The following MTNAP1 variants were observed in gnomAD, a reference collection of about 807,000 sequenced individuals.
MTNAP1 encodes the protein mitochondrial nucleoid associated protein 1.
At chr17:73,240,835 CTT>C in the MTNAP1 span, among the ~76,000 whole-genome samples, 1 of 151,188 alleles carries the variant, frequency 6.6e-6, no homozygotes, top group Admixed American at 6.6e-5. Context: ...GAAGTTGTCT[CTT>C]TACACCGTTT....
the MTNAP1 span, chr17:73,242,142 A>G: frequency 3.0e-6 from 2 of 670,320 alleles, no homozygotes; most frequent in South Asian, 2.2e-5. Flanking sequence ...TGTTTAGAAT[A>G]TGCTCTTCCT....
At chr17:73,244,937 T>C in the MTNAP1 span, among the ~76,000 whole-genome samples, 3 of 152,202 alleles carry the variant, frequency 2.0e-5, no homozygotes, top group African/African-American at 7.2e-5. Context: ...GAGTCATTTC[T>C]CCCACAGAGA....
the MTNAP1 span, chr17:73,248,503 G>C: frequency 6.4e-7 from 1 of 1,551,688 alleles, no homozygotes; most frequent in African/African-American, 1.4e-5. Context: ...CTTAGATCTT[G>C]CTTCCAGGCA....
At chr17:73,245,247 G>T in the MTNAP1 span, 2 of 1,607,142 alleles carry the variant, frequency 1.2e-6, no homozygotes, top group South Asian at 2.2e-5. Context: ...CAGTGGAGAC[G>T]ACTGCAATAC....
At chr17:73,248,446 C>G in the MTNAP1 span, 1 of 1,519,472 alleles carries the variant, frequency 6.6e-7, no homozygotes, top group Non-Finnish European at 8.9e-7. Context: ...AAGTCGTGTT[C>G]TGCCCTGTCT....
At chr17:73,235,426 G>C in the MTNAP1 span, 1 of 1,405,992 alleles carries the variant, frequency 7.1e-7, no homozygotes, top group Non-Finnish European at 9.7e-7. Flanking sequence ...GTAAAATATT[G>C]GTATGTACAA....
At chr17:73,240,272 G>T in the MTNAP1 span, among the ~76,000 whole-genome samples, 1 of 152,086 alleles carries the variant, frequency 6.6e-6, no homozygotes. Context: ...ACTTAGTTTG[G>T]GACTTCTACA....
the MTNAP1 span, among the ~76,000 whole-genome samples, chr17:73,241,583 A>G: frequency 6.6e-6 from 1 of 152,256 alleles, no homozygotes; most frequent in African/African-American, 2.4e-5. Flanking sequence ...GCAAGTCACA[A>G]TCATAAAAGG....
the MTNAP1 span, among the ~76,000 whole-genome samples, chr17:73,239,849 A>ATGTT: frequency 1.3e-5 from 2 of 152,122 alleles, no homozygotes; most frequent in African/African-American, 4.8e-5. Context: ...TGACTTCCCT[A>ATGTT]TGTTCATGCA....
chr17:73,242,355 A>C, the MTNAP1 span: 1 of 1,550,386 alleles, frequency 6.5e-7, no homozygotes, highest in Non-Finnish European at 8.7e-7. Context: ...CAAAAAGGTG[A>C]GGCTGGAGTT....
At chr17:73,235,597 CAA>C in the MTNAP1 span, 2 of 1,614,048 alleles carry the variant, frequency 1.2e-6, no homozygotes, top group Non-Finnish European at 1.7e-6. Context: ...ACCTACTGAT[CAA>C]AAAGTTTATC....
At chr17:73,232,683 T>C in the MTNAP1 span, 6 of 200,672 alleles carry the variant, frequency 3.0e-5, no homozygotes, top group East Asian at 1.2e-4. Flanking sequence ...GGGGGGCTTG[T>C]CGCCGGGGCC....
the MTNAP1 span, chr17:73,242,959 C>T: frequency 1.6e-5 from 26 of 1,613,876 alleles, no homozygotes; most frequent in African/African-American, 3.5e-4. Context: ...ATGCTCTTCA[C>T]AGGATACTTC....
the MTNAP1 span, among the ~76,000 whole-genome samples, chr17:73,238,338 T>C: frequency 2.6e-5 from 4 of 152,132 alleles, no homozygotes; most frequent in Non-Finnish European, 5.9e-5. Flanking sequence ...TTCATGCTTA[T>C]TTTGACAGGA....
chr17:73,248,457 G>A, the MTNAP1 span: 1 of 1,544,716 alleles, frequency 6.5e-7, no homozygotes, highest in Non-Finnish European at 8.8e-7. Context: ...TGCCCTGTCT[G>A]TGGCATTGGA....
chr17:73,236,679 T>C, the MTNAP1 span: 3 of 1,614,064 alleles, frequency 1.9e-6, no homozygotes, highest in Non-Finnish European at 2.5e-6. Context: ...GTGTCCCTGA[T>C]GTAAAGGCAT....
At chr17:73,245,135 C>G in the MTNAP1 span, 2 of 1,610,580 alleles carry the variant, frequency 1.2e-6, no homozygotes, top group African/African-American at 1.3e-5. Flanking sequence ...AGTGGCCTCT[C>G]GGATCCTTAC....
the MTNAP1 span, chr17:73,248,618 A>G: frequency 2.9e-6 from 4 of 1,367,922 alleles, no homozygotes; most frequent in African/African-American, 1.4e-5. Context: ...CAGAAGAGGC[A>G]TGGTGACACC....
At chr17:73,248,757 G>GGGC in the MTNAP1 span, 7 of 507,306 alleles carry the variant, frequency 1.4e-5, no homozygotes, top group Non-Finnish European at 2.1e-5. Flanking sequence ...ATTAACCTCG[G>GGGC]GGCGGCCTTG....
Sources: allele counts gnomAD v4.1 joint callset (sites outside exome capture counted in the v4.1 genomes callset), GRCh38; gene constraint gnomAD v4.1.1; transcripts MANE v1.5; gene names NCBI Gene and HGNC (gene_info 2026-07-23, HGNC 2026-07-21).